ZNF737: variants seen among roughly 807,000 people sequenced by gnomAD.
The protein encoded by ZNF737 is zinc finger protein 102 (Y3).
ZNF737 carries 13 observed loss-of-function variants against 11.7 expected under a neutral mutation model. The ratio of observed to expected loss-of-function variants is 1.11; its 90% CI spans 0.73 to 1.77. The LOEUF is 1.77. Among genes scored for constraint, ZNF737 ranks in the 40% most tolerant of loss-of-function variants. ZNF737 has a pLI of 0.00. For missense variants in ZNF737, 636 were observed against 638.0 expected (o/e 1.00, Z 0.03); for synonymous variants, 217 against 216.2 (o/e 1.00, Z -0.03).
chr19:20,546,564 T>G (rs1968463662), intron 3 of ZNF737, among the ~76,000 whole-genome samples: 1 of 152,224 alleles, frequency 6.6e-6, no homozygotes, highest in African/African-American at 2.4e-5. Context: ...CCTATTTGCA[T>G]CTGGTGTATT....
intron 1 of ZNF737, among the ~76,000 whole-genome samples, chr19:20,560,128 T>TGCAGTCC (rs1555762057): frequency 7.3e-6 from 1 of 136,366 alleles, no homozygotes; most frequent in East Asian, 2.2e-4. Flanking sequence ...ATTGCGCCAC[T>TGCAGTCC]GCAGTCCGCA....
intron 1 of ZNF737, among the ~76,000 whole-genome samples, chr19:20,559,014 C>CA (rs1968988060): frequency 6.6e-6 from 1 of 152,206 alleles, no homozygotes; most frequent in Non-Finnish European, 1.5e-5. Context: ...CACTTCATTA[C>CA]AGCATATACA....
In ZNF737 at chr19:20,543,137, T is replaced by C. The variant is rs1968287723; in HGVS notation, c.*1455A>G. On this transcript the variant is annotated 3_prime_UTR_variant, in exon 4 of 4. Coordinates refer to ENST00000427401, the MANE Select transcript of ZNF737 (RefSeq NM_001159293.2). ...ATTTTGAATTAAATATTTTTTAATA[T>C]TTACTGCATCTGCAAAATTATATTT... The C allele has an allele frequency of 1.0e-6, 1 of 956,812 alleles. No individual in the cohort carries two copies. Among genetic ancestry groups the C allele is most frequent in the Non-Finnish European group, 1.2e-6 (1 of 804,188 alleles). 59.3% of individuals were successfully genotyped at this position (956,812 alleles called of 1,614,324 possible).
At position 20,538,229 on chromosome 19, in the gene ZNF737, T is replaced by C. The variant is rs1555754299; in HGVS notation, c.*6363A>G. 1 of 161,524 alleles carries C rather than the reference T, an allele frequency of 6.2e-6. No individual in the cohort carries two copies. Among genetic ancestry groups the C allele is most frequent in the African/African-American group, 2.4e-5 (1 of 41,622 alleles). The allele number at this position is 161,524 out of a possible 1,614,324, so 10.0% of individuals were successfully genotyped here. ...ACAATTAAAAAATCAATGTACTTTA[T>C]GTTCTTAGCTCCCACAATTTAGCCT... On this transcript the variant is annotated 3_prime_UTR_variant, in exon 4 of 4. Transcript: ENST00000427401.
rs12979592 is a variant in ZNF737 at position 20,565,716 on chromosome 19, C to T, written c.-76G>A. The T allele has an allele frequency of 2.5e-6, 4 of 1,606,168 alleles. No individual in the cohort carries two copies. The African/African-American group carries it at 4.0e-5, about 16-fold the overall frequency. On this transcript the variant is annotated 5_prime_UTR_variant, in exon 1 of 4. Coordinates refer to ENST00000427401, the MANE Select transcript of ZNF737 (RefSeq NM_001159293.2). The stretch of plus-strand genomic sequence containing the variant: ...CCTGCAGGACACAGGGCCACAGAGG[C>T]TGGGCCTCTAGGAGCAGAGGACACA...
chr19:20,549,948 A>T (rs1198736677), intron 3 of ZNF737, among the ~76,000 whole-genome samples: 1 of 144,742 alleles, frequency 6.9e-6, no homozygotes, highest in Non-Finnish European at 1.5e-5. Context: ...AAAAAAAAAA[A>T]TTCTAGATAA....
In ZNF737 at chr19:20,544,713, G is replaced by A. The variant is rs781888804; in HGVS notation, c.1490C>T (p.Thr497Ile). Residue 497 changes from threonine (T) to isoleucine (I), a missense_variant, in exon 4 of 4, where the codon ACT (threonine) becomes ATT (isoleucine). Thr to Ile is a moderately conservative substitution (Grantham distance 89). Transcript: ENST00000427401. ...GKAFKRSFIL[T>I]RHKRIHTGEK... is the part of the protein sequence containing the mutation. The stretch of plus-strand genomic sequence containing the variant: ...TCCAGTATGAATTCTCTTATGTCTA[G>A]TAAGGATAAAGGAGCGCTTAAAAGC... The A allele has an allele frequency of 6.2e-7, 1 of 1,606,878 alleles. No individual in the cohort carries two copies. Among genetic ancestry groups the A allele is most frequent in the Admixed American group, 1.7e-5 (1 of 59,092 alleles).
chr19:20,549,120 C>A (rs1469956360), intron 3 of ZNF737, among the ~76,000 whole-genome samples: 1 of 151,818 alleles, frequency 6.6e-6, no homozygotes, highest in African/African-American at 2.4e-5. Flanking sequence ...AAACTACCAT[C>A]AAAAATCAGC....
Position 20,538,537 on chromosome 19 carries a change from C to T in ZNF737, c.*6055G>A, listed in dbSNP as rs1200433531. The T allele has an allele frequency of 1.2e-5, 6 of 497,412 alleles. No homozygotes were observed. The highest frequency in any genetic ancestry group is 2.1e-5 in the African/African-American group (1 of 47,724). 30.8% of individuals were successfully genotyped at this position (497,412 alleles called of 1,614,324 possible). Reference sequence around the variant, plus strand: ...CTCTGTCTCCTCTGTTCAGTGTACTCGTGGCAAAACTGCTTTCTGCAAAAA... The same window carrying T: ...CTCTGTCTCCTCTGTTCAGTGTACTTGTGGCAAAACTGCTTTCTGCAAAAA... On this transcript the variant is annotated 3_prime_UTR_variant, in exon 4 of 4. Transcript: ENST00000427401.
chr19:20,560,406 G>A (rs1969047550), intron 1 of ZNF737, among the ~76,000 whole-genome samples: 1 of 138,258 alleles, frequency 7.2e-6, no homozygotes, highest in Non-Finnish European at 1.6e-5. Flanking sequence ...TAAACCTCAT[G>A]GAATACTCTG....
rs1968143007 is a variant in ZNF737 at position 20,540,137 on chromosome 19, A to G, written c.*4455T>C. The G allele has an allele frequency of 5.1e-6, 5 of 985,348 alleles. No individual in the cohort carries two copies. Among genetic ancestry groups the G allele is most frequent in the Non-Finnish European group, 6.0e-6 (5 of 829,918 alleles). The allele number at this position is 985,348 out of a possible 1,614,324, so 61.0% of individuals were successfully genotyped here. On this transcript the variant is annotated 3_prime_UTR_variant, in exon 4 of 4. Transcript: ENST00000427401. ...GGAGGCAGAAATGATGGCAAGATACAAACATTTTTCCCGCCATGTGGCCAC... is the reference window on the plus strand; with the variant it reads ...GGAGGCAGAAATGATGGCAAGATACGAACATTTTTCCCGCCATGTGGCCAC...
chr19:20,531,622 A>G (rs1193667133), downstream of ZNF737, among the ~76,000 whole-genome samples: 3 of 149,362 alleles, frequency 2.0e-5, no homozygotes, highest in African/African-American at 7.4e-5. Context: ...AGCCTGGCTA[A>G]TTTCTTGTAT....
intron 2 of ZNF737, among the ~76,000 whole-genome samples, chr19:20,553,036 AAAAG>A (rs1340119336): frequency 1.3e-5 from 2 of 151,866 alleles, no homozygotes; most frequent in African/African-American, 2.4e-5. Context: ...AAAAAAAAGA[AAAAG>A]AAAGAAAATA....
At chr19:20,535,935 G>A (rs1337117451), downstream of ZNF737, 1 of 300,814 alleles carries the variant, frequency 3.3e-6, no homozygotes, top group African/African-American at 2.3e-5. Context: ...AAGGTTTTTT[G>A]TCTGGTTAAG....
rs1489036850 is a variant in ZNF737 at position 20,544,094 on chromosome 19, C to A, written c.*498G>T. The stretch of plus-strand genomic sequence containing the variant: ...AGTGAGCCGAGATCATGGCACTGTA[C>A]TCCAGCTTGGATGACAAGCATGAAA... On this transcript the variant is annotated 3_prime_UTR_variant, in exon 4 of 4. Transcript: ENST00000427401. 6.2e-6 allele frequency: 6 copies of A among 975,228 alleles called. No homozygotes were observed. In the African/African-American group the frequency reaches 1.1e-4, roughly 17 times the overall value. 60.4% of individuals were successfully genotyped at this position (975,228 alleles called of 1,614,324 possible).
At position 20,545,964 on chromosome 19, in the gene ZNF737, T is replaced by C. The variant is rs61742876; in HGVS notation, c.239A>G (p.His80Arg). The C allele has an allele frequency of 1.2e-3, 1,807 of 1,546,732 alleles. 15 individuals are homozygous for C. The African/African-American group carries it at 0.022, about 18-fold the overall frequency. The change falls in exon 4 of 4, where the codon CAT (histidine) becomes CGT (arginine). Residue 80 changes from histidine (H) to arginine (R), a missense_variant. By Grantham distance (29) the His-to-Arg change is conservative. Transcript: ENST00000427401. ...CTCTGGCCAAAGATCTCGGGCAAAA[T>C]GAGAACACGTAACTGAAAGAAACAA... ...MVANPSVTCSHFARDLWPEQS... is the reference protein window; with the variant it reads ...MVANPSVTCSRFARDLWPEQS...
chr19:20,557,648 C>G (rs12971340), intron 1 of ZNF737, among the ~76,000 whole-genome samples: 115,003 of 150,616 alleles, frequency 0.76, 43,990 homozygotes, highest in East Asian at 0.82. Context: ...ATGCAGTCTC[C>G]CTCTGTCACA....
At chr19:20,557,884 G>A (rs1216580562) in intron 1 of ZNF737, among the ~76,000 whole-genome samples, 12 of 151,812 alleles carry the variant, frequency 7.9e-5, no homozygotes, top group African/African-American at 2.9e-4. Flanking sequence ...CAAAGTGCTG[G>A]GATTACAGGC....
chr19:20,553,647 A>G, intron 2 of ZNF737, 62 bp downstream of exon 2: 1 of 1,501,994 alleles, frequency 6.7e-7, no homozygotes, highest in Non-Finnish European at 9.1e-7. Context: ...AAAAAATTCT[A>G]CAAGAGAGAG....
Sources: allele counts gnomAD v4.1 joint callset (sites outside exome capture counted in the v4.1 genomes callset), GRCh38; gene constraint gnomAD v4.1.1; transcripts MANE v1.5; gene names NCBI Gene and HGNC (gene_info 2026-07-23, HGNC 2026-07-21).